ATRNL1: variants seen among roughly 807,000 people sequenced by gnomAD.
The protein encoded by ATRNL1 is attractin like 1.
Under a neutral mutation model 182.7 loss-of-function variants are expected in ATRNL1, and 95 were observed. The ratio of observed to expected loss-of-function variants is 0.52; its 90% confidence interval spans 0.44 to 0.62. The LOEUF (loss-of-function observed/expected upper bound fraction) is 0.62, where lower values mean the gene tolerates loss of function less well. ATRNL1 is among the 20% of genes least tolerant of loss of function. ATRNL1 has a pLI of 0.00. For missense variants in ATRNL1, 1,471 were observed against 1,679.5 expected, an observed-to-expected ratio of 0.88 and a Z score of 2.17; for synonymous variants, 576 against 568.3, an observed-to-expected ratio of 1.01 and a Z score of -0.19.
At chr10:115,129,650 A>G (rs1042547328) in intron 5 of ATRNL1, 115 bp downstream of exon 5, 7 of 724,172 alleles carry the variant, frequency 9.7e-6, no homozygotes, top group East Asian at 2.8e-5. Flanking sequence ...TTATATATTT[A>G]CTTTTATTTT....
In ATRNL1 at chr10:115,280,519, A is replaced by G. The variant is rs7897696; in HGVS notation, c.2101-836A>G. ...TTCTGAGGAGAAAGGTCCCTGGTCAATTTTGCCTTGAGGTTTCCAGTGGGT... is the reference window on the plus strand; with the variant it reads ...TTCTGAGGAGAAAGGTCCCTGGTCAGTTTTGCCTTGAGGTTTCCAGTGGGT... On this transcript the variant is annotated intron_variant, in intron 13 of 28. Transcript: ENST00000355044. Among the ~76,000 whole-genome samples, 1,472 of 152,208 alleles carry G rather than the reference A, an allele frequency of 9.7e-3. 29 individuals are homozygous for G. Among genetic ancestry groups the G allele is most frequent in the African/African-American group, 0.034 (1,415 of 41,510 alleles).
chr10:115,219,615 A>G (rs1187434839), intron 9 of ATRNL1, among the ~76,000 whole-genome samples: 1 of 152,206 alleles, frequency 6.6e-6, no homozygotes, highest in South Asian at 2.1e-4. Flanking sequence ...AAAAGTTCAC[A>G]TAATAGTCTG....
At chr10:115,839,600 C>T (rs1200185926) in intron 27 of ATRNL1, among the ~76,000 whole-genome samples, 1 of 152,150 alleles carries the variant, frequency 6.6e-6, no homozygotes, top group African/African-American at 2.4e-5. Context: ...CTGGTGAACT[C>T]CTAGTCATCT....
intron 19 of ATRNL1, among the ~76,000 whole-genome samples, chr10:115,353,317 T>C (rs1314570499): frequency 6.6e-6 from 1 of 152,240 alleles, no homozygotes; most frequent in Non-Finnish European, 1.5e-5. Context: ...TATTATTATA[T>C]AATGACCTTC....
chr10:115,577,610 T>TTGTATGTGTG (rs1640609056), intron 26 of ATRNL1, among the ~76,000 whole-genome samples: 1 of 135,016 alleles, frequency 7.4e-6, no homozygotes, highest in Admixed American at 7.4e-5. Context: ...TTCTAACAGG[T>TTGTATGTGTG]TGTGTGTGTG....
At chr10:115,350,208 C>T (rs782158750) in intron 19 of ATRNL1, among the ~76,000 whole-genome samples, 12 of 151,632 alleles carry the variant, frequency 7.9e-5, no homozygotes, top group Admixed American at 4.6e-4. Flanking sequence ...TGGTGGTGTG[C>T]GCCTGCAGTC....
chr10:115,824,181 G>A (rs1196385526), intron 27 of ATRNL1, among the ~76,000 whole-genome samples: 1 of 152,160 alleles, frequency 6.6e-6, no homozygotes, highest in East Asian at 1.9e-4. Flanking sequence ...ATGGGGAAAG[G>A]ATTCCCTATT....
intron 26 of ATRNL1, chr10:115,597,455 G>A (rs1370550914): frequency 3.0e-6 from 1 of 332,866 alleles, no homozygotes; most frequent in East Asian, 9.2e-5. Context: ...TATCTGTTGT[G>A]TGAATTAAAA....
intron 9 of ATRNL1, among the ~76,000 whole-genome samples, chr10:115,230,141 T>A (rs1034131383): frequency 2.0e-5 from 3 of 152,236 alleles, no homozygotes; most frequent in Non-Finnish European, 4.4e-5. Flanking sequence ...CATTGTATGC[T>A]TTCTTCAGAG....
In ATRNL1 at chr10:115,596,238, T is replaced by C. The variant is rs180955284; in HGVS notation, c.3795+46702T>C. ...CTCCTGCCTCAGCCTCCTGAGTAGCTGGGATTACAGGCACCTGCCACCACA... is the reference window on the plus strand; with the variant it reads ...CTCCTGCCTCAGCCTCCTGAGTAGCCGGGATTACAGGCACCTGCCACCACA... On this transcript the variant is annotated intron_variant, in intron 26 of 28. Coordinates refer to ENST00000355044, the MANE Select transcript of ATRNL1 (RefSeq NM_207303.4). 7.6e-3 allele frequency among the ~76,000 whole-genome samples: 1,160 copies of C among 152,202 alleles called. 15 individuals are homozygous for C. Among genetic ancestry groups the C allele is most frequent in the African/African-American group, 0.026 (1,091 of 41,526 alleles).
At chr10:115,822,802 C>CA (rs555599946) in intron 27 of ATRNL1, among the ~76,000 whole-genome samples, 69 of 151,888 alleles carry the variant, frequency 4.5e-4, no homozygotes, top group Non-Finnish European at 9.0e-4. Flanking sequence ...GCCTACCAAC[C>CA]AAAAAAAGCC....
intron 28 of ATRNL1, among the ~76,000 whole-genome samples, chr10:115,928,394 A>T (rs1953298735): frequency 6.6e-6 from 1 of 152,088 alleles, no homozygotes; most frequent in Admixed American, 6.6e-5. Context: ...TCAAACACAG[A>T]TTTTAATAAC....
chr10:115,283,709 A>G (rs1187675092), intron 14 of ATRNL1, among the ~76,000 whole-genome samples: 1 of 152,222 alleles, frequency 6.6e-6, no homozygotes, highest in Non-Finnish European at 1.5e-5. Flanking sequence ...CTTGGACCAA[A>G]ATAAGATTTG....
chr10:115,299,050 G>T (rs941336862), intron 15 of ATRNL1, among the ~76,000 whole-genome samples: 1 of 151,698 alleles, frequency 6.6e-6, no homozygotes, highest in East Asian at 1.9e-4. Context: ...CTAAGGTGGA[G>T]AAACATTTTT....
At chr10:115,516,253 A>T (rs1183034962) in intron 24 of ATRNL1, among the ~76,000 whole-genome samples, 1 of 151,628 alleles carries the variant, frequency 6.6e-6, no homozygotes, top group Non-Finnish European at 1.5e-5. Context: ...TCATCTTTCC[A>T]CTTGTTCTTG....
intron 19 of ATRNL1, among the ~76,000 whole-genome samples, chr10:115,383,254 C>T (rs1554951711): frequency 3.3e-5 from 5 of 151,556 alleles, no homozygotes; most frequent in African/African-American, 1.2e-4. Flanking sequence ...TAATGTTTGC[C>T]TAAATTTGCT....
intron 18 of ATRNL1, among the ~76,000 whole-genome samples, chr10:115,323,426 TC>T: frequency 3.8e-5 from 1 of 26,052 alleles, no homozygotes; most frequent in African/African-American, 1.2e-4. Flanking sequence ...TCCCCTCCCC[TC>T]CCCTCCCCTC....
intron 26 of ATRNL1, among the ~76,000 whole-genome samples, chr10:115,614,602 T>G (rs571427011): frequency 6.6e-6 from 1 of 152,136 alleles, no homozygotes; most frequent in Non-Finnish European, 1.5e-5. Context: ...AGATAATCTG[T>G]CCAATGCTGA....
intron 9 of ATRNL1, among the ~76,000 whole-genome samples, chr10:115,240,385 G>A (rs1277186542): frequency 1.3e-5 from 2 of 151,844 alleles, no homozygotes; most frequent in African/African-American, 4.8e-5. Flanking sequence ...CCGAGTAGCT[G>A]GGACTACGGG....
Sources: gnomAD v4.1 joint callset for allele counts (sites outside exome capture counted in the v4.1 genomes callset) on GRCh38, gnomAD v4.1.1 for gene constraint, MANE v1.5 for transcripts, NCBI Gene and HGNC (gene_info 2026-07-23, HGNC 2026-07-21) for gene names.